The following COL22A1 variants were observed in gnomAD, a reference collection of about 807,000 sequenced individuals.
COL22A1 encodes the protein collagen type XXII alpha 1 chain, also known as collagen alpha-1(XXII) chain.
Under a neutral mutation model 248.9 loss-of-function variants are expected in COL22A1, and 221 were observed. That is an observed-to-expected ratio of 0.89 (90% confidence interval 0.80 to 0.99). The LOEUF is 0.99. Among genes scored for constraint, COL22A1 ranks in the 50% least tolerant of loss-of-function variants. The probability of loss-of-function intolerance (pLI) is 0.00; values close to 1 mark genes in which losing one functional copy is unlikely to be tolerated. For missense variants in COL22A1, 2,240 were observed against 2,179.0 expected, an observed-to-expected ratio of 1.03 and a Z score of -0.56; for synonymous variants, 891 against 793.4, an observed-to-expected ratio of 1.12 and a Z score of -2.07.
chr8:138,596,646 C>T (rs1050395594), intron 62 of COL22A1, among the ~76,000 whole-genome samples: 3 of 152,180 alleles, frequency 2.0e-5, no homozygotes, highest in East Asian at 1.9e-4. Context: ...TTGATCATAG[C>T]AGAGCTCTTT....
chr8:138,641,226 G>C (rs528535054), intron 47 of COL22A1, among the ~76,000 whole-genome samples: 1 of 152,128 alleles, frequency 6.6e-6, no homozygotes. Flanking sequence ...GAATCCCAAG[G>C]CTTTTTCAGG....
chr8:138,760,378 C>T (rs953450893), intron 17 of COL22A1, 91 bp from the exon 18 acceptor site: 14 of 1,214,178 alleles, frequency 1.2e-5, no homozygotes, highest in African/African-American at 1.6e-5. Flanking sequence ...GACAGCTGCC[C>T]ACTGTGGCTA....
intron 13 of COL22A1, among the ~76,000 whole-genome samples, chr8:138,780,129 G>T (rs1343495636): frequency 1.3e-5 from 2 of 152,206 alleles, no homozygotes; most frequent in African/African-American, 4.8e-5. Flanking sequence ...TTTGGAGAGA[G>T]CAGGGGGAAA....
chr8:138,864,676 G>T (rs532856062), intron 3 of COL22A1, among the ~76,000 whole-genome samples: 1 of 152,146 alleles, frequency 6.6e-6, no homozygotes, highest in Non-Finnish European at 1.5e-5. Context: ...GGTTAGGGCC[G>T]ATCGGAGTGC....
intron 5 of COL22A1, 51 bp from the exon 6 acceptor site, chr8:138,826,832 G>A (rs746451332): frequency 1.2e-6 from 2 of 1,604,346 alleles, no homozygotes; most frequent in African/African-American, 1.3e-5. Flanking sequence ...AGAGCAGGGA[G>A]CCAGCAAAGT....
Position 138,773,173 on chromosome 8 carries a change from G to A in COL22A1, c.1803+2793C>T, listed in dbSNP as rs1224452804. On this transcript the variant is annotated intron_variant, in intron 16 of 64. Coordinates refer to ENST00000303045, the MANE Select transcript of COL22A1 (RefSeq NM_152888.3). ...GGCTCATGGAACAGTGAACCCAGAT[G>A]AGGCAAACAAGCCCCAGGAGCGGAA... Among the ~76,000 whole-genome samples, 4 of 152,190 alleles carry A rather than the reference G, an allele frequency of 2.6e-5. No homozygotes were observed. The South Asian group carries it at 8.3e-4, about 32-fold the overall frequency.
At chr8:138,726,848 C>T (rs993327086) in intron 23 of COL22A1, among the ~76,000 whole-genome samples, 5 of 152,236 alleles carry the variant, frequency 3.3e-5, no homozygotes, top group East Asian at 1.9e-4. Flanking sequence ...TGAGGAGGAG[C>T]GACTTTGCCG....
intron 18 of COL22A1, among the ~76,000 whole-genome samples, chr8:138,756,174 G>A (rs745510176): frequency 6.6e-6 from 1 of 152,190 alleles, no homozygotes; most frequent in Non-Finnish European, 1.5e-5. Flanking sequence ...GCCCCTGCCT[G>A]CGCCAGCCAC....
chr8:138,708,357 G>A (rs553725940), intron 30 of COL22A1, among the ~76,000 whole-genome samples: 3 of 152,304 alleles, frequency 2.0e-5, no homozygotes, highest in South Asian at 2.1e-4. Flanking sequence ...GATCAAAGCT[G>A]GAGGCATCAG....
chr8:138,695,432 G>A (rs1028447479), intron 32 of COL22A1, among the ~76,000 whole-genome samples: 4 of 151,898 alleles, frequency 2.6e-5, no homozygotes, highest in South Asian at 4.2e-4. Flanking sequence ...GGGCTCAAGC[G>A]ATCCTCCCTG....
At chr8:138,716,315 C>T (rs766789837) in intron 28 of COL22A1, 26 bp from the exon 29 acceptor site, 186 of 1,547,158 alleles carry the variant, frequency 1.2e-4, no homozygotes, top group Middle Eastern at 1.7e-4. Flanking sequence ...ATTCACAAGG[C>T]GTCAACAGGA....
chr8:138,751,152 C>T (rs1008499088), intron 22 of COL22A1, among the ~76,000 whole-genome samples: 2 of 152,198 alleles, frequency 1.3e-5, no homozygotes, highest in African/African-American at 4.8e-5. Context: ...TGCCTCTTCT[C>T]TGTATACCCT....
At chr8:138,608,323 G>C (rs371683441) in intron 56 of COL22A1, among the ~76,000 whole-genome samples, 1 of 152,172 alleles carries the variant, frequency 6.6e-6, no homozygotes, top group African/African-American at 2.4e-5. Flanking sequence ...CAGTTGCTGT[G>C]TTGAAGAACA....
chr8:138,775,196 A>G (rs1433493565), intron 16 of COL22A1, among the ~76,000 whole-genome samples: 2 of 152,184 alleles, frequency 1.3e-5, no homozygotes, highest in East Asian at 3.9e-4. Context: ...ATTGCTCCAG[A>G]TCGTAAGGAA....
intron 1 of COL22A1, among the ~76,000 whole-genome samples, chr8:138,902,963 A>T (rs1483794416): frequency 1.3e-5 from 2 of 152,080 alleles, no homozygotes. Flanking sequence ...AAGGGTGGTT[A>T]CTTTAGCCCT....
At chr8:138,780,651 C>T (rs534891484) in intron 13 of COL22A1, among the ~76,000 whole-genome samples, 236 of 152,242 alleles carry the variant, frequency 1.6e-3, no homozygotes, top group Middle Eastern at 3.4e-3. Context: ...AGTCTAGGCA[C>T]GGGGGATAAC....
chr8:138,654,204 C>T (rs7819082), intron 45 of COL22A1, among the ~76,000 whole-genome samples: 9,805 of 152,086 alleles, frequency 0.064, 456 homozygotes, highest in Non-Finnish European at 0.1. Context: ...CTGATGAAAA[C>T]CTAGCTCCTT....
chr8:138,619,342 G>A (rs2131931014), intron 53 of COL22A1, 113 bp downstream of exon 53: 3 of 834,768 alleles, frequency 3.6e-6, no homozygotes, highest in Non-Finnish European at 4.0e-6. Context: ...TGGAGGAGAA[G>A]GACTTCTAGG....
chr8:138,661,589 T>C (rs887830062), intron 43 of COL22A1, among the ~76,000 whole-genome samples: 3 of 152,102 alleles, frequency 2.0e-5, no homozygotes, highest in African/African-American at 7.2e-5. Flanking sequence ...ATGACTGTCA[T>C]TGTCACAAAG....
Sources: allele counts gnomAD v4.1 joint callset (sites outside exome capture counted in the v4.1 genomes callset), GRCh38; gene constraint gnomAD v4.1.1; transcripts MANE v1.5; gene names NCBI Gene and HGNC (gene_info 2026-07-23, HGNC 2026-07-21).